Variants in MIPOL1 observed in about 807,000 individuals in gnomAD.
MIPOL1 encodes the protein mirror-image polydactyly gene 1 protein.
A neutral mutation model predicts 60.9 loss-of-function variants in MIPOL1; 57 were observed. The ratio of observed to expected loss-of-function variants is 0.94; its 90% CI spans 0.76 to 1.17. MIPOL1 has a LOEUF of 1.17. Ranked by LOEUF, MIPOL1 falls within the 50% of genes most tolerant of loss-of-function variation. MIPOL1 has a pLI of 0.00. For missense variants in MIPOL1, 551 were observed against 511.6 expected (o/e 1.08, Z -0.74); for synonymous variants, 179 against 168.8 (o/e 1.06, Z -0.47).
At chr14:37,482,839 C>T (rs1353792380) in intron 11 of MIPOL1, among the ~76,000 whole-genome samples, 1 of 152,146 alleles carries the variant, frequency 6.6e-6, no homozygotes, top group Non-Finnish European at 1.5e-5. Context: ...TGTATACTCT[C>T]AGTGGGAACA....
intron 6 of MIPOL1, among the ~76,000 whole-genome samples, chr14:37,274,689 T>C (rs989730840): frequency 5.3e-5 from 8 of 151,400 alleles, no homozygotes; most frequent in Non-Finnish European, 1.2e-4. Context: ...TTGACACTTA[T>C]CATGTGTAAT....
chr14:37,323,251 G>T (rs2088802869), intron 9 of MIPOL1, among the ~76,000 whole-genome samples: 1 of 151,926 alleles, frequency 6.6e-6, no homozygotes, highest in African/African-American at 2.4e-5. Flanking sequence ...CCCCTTGCTT[G>T]TTTTTGTCAG....
At chr14:37,539,481 A>G (rs965113367) in intron 12 of MIPOL1, among the ~76,000 whole-genome samples, 8 of 150,996 alleles carry the variant, frequency 5.3e-5, no homozygotes, top group Non-Finnish European at 8.8e-5. Context: ...TGAGAGAGAT[A>G]TAAGTTCCAT....
chr14:37,217,669 A>G (rs909079569), intron 1 of MIPOL1, among the ~76,000 whole-genome samples: 4 of 152,226 alleles, frequency 2.6e-5, no homozygotes, highest in Admixed American at 1.3e-4. Context: ...GACGCTGAAA[A>G]GATTTGATAA....
chr14:37,529,630 C>A (rs2153635568), intron 12 of MIPOL1, among the ~76,000 whole-genome samples: 1 of 152,048 alleles, frequency 6.6e-6, no homozygotes, highest in East Asian at 1.9e-4. Flanking sequence ...TTGTTCAGTA[C>A]AGGTAATACG....
At chr14:37,419,735 G>A (rs547247297) in intron 10 of MIPOL1, among the ~76,000 whole-genome samples, 1 of 151,882 alleles carries the variant, frequency 6.6e-6, no homozygotes, top group Admixed American at 6.6e-5. Context: ...GAATGGGGTA[G>A]GGGATTTTTT....
At chr14:37,375,900 T>G (rs1006613485) in intron 10 of MIPOL1, among the ~76,000 whole-genome samples, 1 of 152,148 alleles carries the variant, frequency 6.6e-6, no homozygotes, top group African/African-American at 2.4e-5. Context: ...TCACCATATC[T>G]CCATTTTTTT....
intron 1 of MIPOL1, among the ~76,000 whole-genome samples, chr14:37,215,890 A>G (rs999148896): frequency 1.3e-5 from 2 of 152,116 alleles, no homozygotes; most frequent in African/African-American, 4.8e-5. Context: ...CGATGTGGTG[A>G]AACCCTGTCT....
At chr14:37,294,118 A>G (rs2085378116) in intron 7 of MIPOL1, among the ~76,000 whole-genome samples, 1 of 152,184 alleles carries the variant, frequency 6.6e-6, no homozygotes, top group Admixed American at 6.5e-5. Flanking sequence ...AAACTTCTAG[A>G]GGAACGATCA....
At position 37,420,969 on chromosome 14, in the gene MIPOL1, G is replaced by T. The variant is rs558569393; in HGVS notation, c.937-1886G>T. On this transcript the variant is annotated intron_variant, in intron 10 of 12. Transcript: ENST00000684589. Reference sequence around the variant, plus strand: ...AAGCCAGAAAGTTTATAATAGCTTTGAACATAATCACTAGGGCCTAGGAAA... The same window carrying T: ...AAGCCAGAAAGTTTATAATAGCTTTTAACATAATCACTAGGGCCTAGGAAA... Among the ~76,000 whole-genome samples, 8 of 152,236 alleles carry T rather than the reference G, an allele frequency of 5.3e-5. No individual in the cohort carries two copies. In the East Asian group the frequency reaches 1.5e-3, roughly 29 times the overall value.
intron 12 of MIPOL1, among the ~76,000 whole-genome samples, chr14:37,527,322 T>A (rs1030966096): frequency 2.0e-5 from 3 of 152,084 alleles, no homozygotes; most frequent in Non-Finnish European, 2.9e-5. Flanking sequence ...TTGAGTTGCT[T>A]ATTTGAGGTT....
At chr14:37,199,946 G>C (rs889763327) in intron 1 of MIPOL1, among the ~76,000 whole-genome samples, 1 of 152,186 alleles carries the variant, frequency 6.6e-6, no homozygotes, top group African/African-American at 2.4e-5. Context: ...TTATACTTCA[G>C]TGGCAGCTTG....
At chr14:37,260,460 A>G (rs1442378544) in intron 3 of MIPOL1, among the ~76,000 whole-genome samples, 2 of 152,170 alleles carry the variant, frequency 1.3e-5, no homozygotes, top group Non-Finnish European at 2.9e-5. Flanking sequence ...CTATTCTTCT[A>G]TAATGTGGTT....
intron 10 of MIPOL1, among the ~76,000 whole-genome samples, chr14:37,405,476 C>G (rs2093569578): frequency 6.6e-6 from 1 of 152,040 alleles, no homozygotes; most frequent in Non-Finnish European, 1.5e-5. Flanking sequence ...TTTAAGAAAA[C>G]TTAGTGTATT....
intron 1 of MIPOL1, among the ~76,000 whole-genome samples, chr14:37,223,072 G>A (rs1015073527): frequency 6.6e-6 from 1 of 152,136 alleles, no homozygotes; most frequent in Non-Finnish European, 1.5e-5. Context: ...TCGCTCTGTT[G>A]CCCAGGCTGG....
chr14:37,449,717 C>T (rs1316864600), intron 11 of MIPOL1, among the ~76,000 whole-genome samples: 3 of 152,056 alleles, frequency 2.0e-5, no homozygotes, highest in Non-Finnish European at 2.9e-5. Context: ...ATATTTTGGG[C>T]TTCTTTCTTA....
chr14:37,280,148 A>G (rs2083988337), intron 6 of MIPOL1, among the ~76,000 whole-genome samples: 1 of 152,124 alleles, frequency 6.6e-6, no homozygotes, highest in Non-Finnish European at 1.5e-5. Flanking sequence ...TTCCAGCTGA[A>G]AAACCTGAAT....
At position 37,499,957 on chromosome 14, in the gene MIPOL1, T is replaced by C. The variant is rs2095191583; in HGVS notation, c.1081T>C (p.Tyr361His). 12 of 1,611,050 alleles carry C rather than the reference T, an allele frequency of 7.4e-6. No individual in the cohort carries two copies. The highest frequency in any genetic ancestry group is 8.5e-6 in the Non-Finnish European group (10 of 1,177,724). Residue 361 changes from tyrosine (Y) to histidine (H), a missense_variant, in exon 12 of 13, where the codon TAT (tyrosine) becomes CAT (histidine). Physicochemically the swap from Tyr to His is moderately conservative, Grantham distance 83. Coordinates refer to ENST00000684589, the MANE Select transcript of MIPOL1 (RefSeq NM_001388067.1). ...AGAAAATCTGAAGGATCAGTTTAAC[T>C]ATACCCTTAGTACATATGAAGAAGC... ...QEENLKDQFN[Y>H]TLSTYEEALK...
At chr14:37,384,826 A>T (rs776791775) in intron 10 of MIPOL1, among the ~76,000 whole-genome samples, 2 of 152,002 alleles carry the variant, frequency 1.3e-5, no homozygotes, top group Non-Finnish European at 2.9e-5. Flanking sequence ...TTATACAATT[A>T]TAAGTAATAG....
Sources: allele counts gnomAD v4.1 joint callset (sites outside exome capture counted in the v4.1 genomes callset), GRCh38; gene constraint gnomAD v4.1.1; transcripts MANE v1.5; gene names NCBI Gene and HGNC (gene_info 2026-07-23, HGNC 2026-07-21).